GRIP1: variants seen among roughly 807,000 people sequenced by gnomAD.
The protein encoded by GRIP1 is glutamate receptor interacting protein 1, also known as glutamate receptor-interacting protein 1.
GRIP1 carries 45 observed loss-of-function variants against 129.9 expected under a neutral mutation model. The observed-to-expected ratio is 0.35, with a 90% confidence interval of 0.27 to 0.44. GRIP1 has a LOEUF of 0.44. Among genes scored for constraint, GRIP1 ranks in the 20% least tolerant of loss-of-function variants. The pLI is 1.00. For synonymous variants in GRIP1, 530 were observed against 520.8 expected (o/e 1.02, Z -0.24); for missense variants, 1,196 against 1,396.8 (o/e 0.86, Z 2.29).
chr12:66,518,428 A>G (rs887718046), intron 5 of GRIP1, among the ~76,000 whole-genome samples: 1 of 152,182 alleles, frequency 6.6e-6, no homozygotes. Flanking sequence ...CCAAAAAAAA[A>G]AATTCAAGTG....
At chr12:66,748,385 T>C (rs956997789) in intron 1 of GRIP1, among the ~76,000 whole-genome samples, 1 of 152,226 alleles carries the variant, frequency 6.6e-6, no homozygotes, top group African/African-American at 2.4e-5. Flanking sequence ...AGTTGTATAA[T>C]CTTAGAAGTC....
chr12:66,969,881 T>C (rs2042047766), intron 1 of GRIP1, among the ~76,000 whole-genome samples: 1 of 152,202 alleles, frequency 6.6e-6, no homozygotes, highest in Admixed American at 6.5e-5. Context: ...AGCTTTTCCT[T>C]TTGATCTTTT....
chr12:66,450,320 A>AAG (rs1351418043), intron 11 of GRIP1, among the ~76,000 whole-genome samples: 42 of 149,136 alleles, frequency 2.8e-4, no homozygotes, highest in African/African-American at 1.0e-3. Context: ...AAAAAAAAAA[A>AAG]AAAAAAAAAA....
At chr12:66,963,039 AG>A (rs2041944891) in intron 1 of GRIP1, among the ~76,000 whole-genome samples, 1 of 152,210 alleles carries the variant, frequency 6.6e-6, no homozygotes, top group African/African-American at 2.4e-5. Context: ...GGCCAGGCAC[AG>A]TGGCTCACAC....
At chr12:66,522,316 G>A (rs1048931647) in intron 5 of GRIP1, among the ~76,000 whole-genome samples, 16 of 152,320 alleles carry the variant, frequency 1.1e-4, no homozygotes, top group Non-Finnish European at 2.1e-4. Context: ...CCAGAGGAAC[G>A]ATCAGGCAGC....
rs1313593757 is a variant in GRIP1 at position 66,348,068 on chromosome 12, T to G, written c.*951A>C. On this transcript the variant is annotated 3_prime_UTR_variant, in exon 25 of 25. Coordinates refer to ENST00000359742, the MANE Select transcript of GRIP1 (RefSeq NM_001366722.1). The stretch of plus-strand genomic sequence containing the variant: ...ATTTGTGAAAAATGTATTTACAATT[T>G]CGGTAAGTGGCATGGCTCAGAGCAA... The G allele has an allele frequency of 6.6e-6, 1 of 152,188 alleles. No homozygotes were observed. The highest frequency in any genetic ancestry group is 2.4e-5 in the African/African-American group (1 of 41,436). The allele number at this position is 152,188 out of a possible 1,614,324, so 9.4% of individuals were successfully genotyped here. A position where few individuals can be genotyped will look rare whatever the true frequency, so the allele number is the denominator to read the frequency against.
intron 1 of GRIP1, among the ~76,000 whole-genome samples, chr12:66,956,937 A>C (rs533186899): frequency 3.9e-5 from 6 of 152,220 alleles, no homozygotes; most frequent in Non-Finnish European, 8.8e-5. Context: ...CCTCTGACTC[A>C]GTCAACACAG....
intron 1 of GRIP1, among the ~76,000 whole-genome samples, chr12:66,969,937 A>G (rs2042048807): frequency 1.3e-5 from 2 of 152,004 alleles, no homozygotes; most frequent in Admixed American, 1.3e-4. Flanking sequence ...CTGTTCTTGC[A>G]TGTTATCTAC....
At chr12:66,383,632 G>T (rs182484436) in intron 19 of GRIP1, among the ~76,000 whole-genome samples, 71 of 152,238 alleles carry the variant, frequency 4.7e-4, no homozygotes, top group African/African-American at 1.6e-3. Flanking sequence ...AGCAAGCCTG[G>T]GTCACAATCT....
At chr12:66,441,911 C>T (rs1001159432) in intron 13 of GRIP1, among the ~76,000 whole-genome samples, 5 of 152,190 alleles carry the variant, frequency 3.3e-5, no homozygotes, top group African/African-American at 1.2e-4. Flanking sequence ...CCCTCATCTT[C>T]CATATCCAAC....
intron 1 of GRIP1, among the ~76,000 whole-genome samples, chr12:66,782,758 T>C (rs554547086): frequency 7.9e-5 from 12 of 152,322 alleles, no homozygotes; most frequent in African/African-American, 2.9e-4. Flanking sequence ...TTACTCTTAC[T>C]GCTTGCTATG....
At chr12:66,943,873 T>G (rs888236598) in intron 1 of GRIP1, among the ~76,000 whole-genome samples, 2 of 152,226 alleles carry the variant, frequency 1.3e-5, no homozygotes, top group Admixed American at 1.3e-4. Flanking sequence ...CTGTATCAGT[T>G]AGAAGCAGGC....
intron 1 of GRIP1, among the ~76,000 whole-genome samples, chr12:66,984,133 T>G (rs911524026): frequency 2.6e-5 from 4 of 152,166 alleles, no homozygotes; most frequent in African/African-American, 7.2e-5. Context: ...ACTTAAAGAC[T>G]GTATTTCAAG....
intron 7 of GRIP1, among the ~76,000 whole-genome samples, chr12:66,471,417 A>C (rs1458763591): frequency 6.6e-6 from 1 of 152,178 alleles, no homozygotes; most frequent in Non-Finnish European, 1.5e-5. Context: ...AATGGATACA[A>C]GGTTTCCTTT....
chr12:66,911,348 C>G (rs938405195), intron 1 of GRIP1, among the ~76,000 whole-genome samples: 2 of 152,186 alleles, frequency 1.3e-5, no homozygotes, highest in African/African-American at 2.4e-5. Context: ...AAGGCTTCAA[C>G]CCATTGGCTC....
chr12:66,536,416 C>A (rs559459341), intron 4 of GRIP1, among the ~76,000 whole-genome samples: 1 of 152,296 alleles, frequency 6.6e-6, no homozygotes, highest in South Asian at 2.1e-4. Context: ...TTTCCTAATT[C>A]TCTTACTGCT....
intron 1 of GRIP1, among the ~76,000 whole-genome samples, chr12:66,955,300 C>T (rs1165568241): frequency 2.0e-5 from 3 of 151,982 alleles, no homozygotes; most frequent in Non-Finnish European, 2.9e-5. Context: ...CTAACCAGTT[C>T]GTAGGCCCTG....
intron 24 of GRIP1, 87 bp from the exon 25 acceptor site, chr12:66,349,333 T>C: frequency 9.3e-7 from 1 of 1,078,378 alleles, no homozygotes; most frequent in Non-Finnish European, 1.4e-6. Context: ...CAACAAGTTG[T>C]TTGAAGTCAT....
intron 1 of GRIP1, among the ~76,000 whole-genome samples, chr12:66,644,389 G>C (rs2032187902): frequency 6.6e-6 from 1 of 152,134 alleles, no homozygotes; most frequent in Non-Finnish European, 1.5e-5. Context: ...TACAGAAAGA[G>C]CAATTGCCTG....
Sources: gnomAD v4.1 joint callset for allele counts (sites outside exome capture counted in the v4.1 genomes callset) on GRCh38, gnomAD v4.1.1 for gene constraint, MANE v1.5 for transcripts, NCBI Gene and HGNC (gene_info 2026-07-23, HGNC 2026-07-21) for gene names.